Variants in SPMIP2 observed in about 807,000 individuals in gnomAD.
SPMIP2 encodes protein SPMIP2.
chr4:158,947,026 C>T, the SPMIP2 span, among the ~76,000 whole-genome samples: 1 of 152,124 alleles, frequency 6.6e-6, no homozygotes, highest in East Asian at 1.9e-4. Context: ...ACCCTACTCC[C>T]CCACTGCTCA....
the SPMIP2 span, among the ~76,000 whole-genome samples, chr4:159,069,533 C>T: frequency 6.6e-6 from 1 of 151,026 alleles, no homozygotes; most frequent in Admixed American, 6.6e-5. Context: ...TCCCCAGGCT[C>T]AAGAAATCCT....
chr4:158,921,988 T>A, the SPMIP2 span, among the ~76,000 whole-genome samples: 1 of 150,810 alleles, frequency 6.6e-6, no homozygotes, highest in Non-Finnish European at 1.5e-5. Flanking sequence ...CCTGGGTTCA[T>A]GCCAGTCTCC....
At chr4:158,941,146 T>C in the SPMIP2 span, among the ~76,000 whole-genome samples, 1 of 152,174 alleles carries the variant, frequency 6.6e-6, no homozygotes, top group Non-Finnish European at 1.5e-5. Flanking sequence ...CACGTACAGA[T>C]AGACAAATAG....
At chr4:159,019,806 T>C in the SPMIP2 span, among the ~76,000 whole-genome samples, 1 of 151,984 alleles carries the variant, frequency 6.6e-6, no homozygotes, top group South Asian at 2.1e-4. Context: ...AAATGTACAA[T>C]GAGAGGGATG....
the SPMIP2 span, among the ~76,000 whole-genome samples, chr4:159,020,560 G>A: frequency 6.6e-6 from 1 of 152,182 alleles, no homozygotes; most frequent in Non-Finnish European, 1.5e-5. Flanking sequence ...CCGGTTAGAG[G>A]TAAGGGAGTC....
chr4:158,912,868 G>A, the SPMIP2 span, among the ~76,000 whole-genome samples: 1 of 152,184 alleles, frequency 6.6e-6, no homozygotes, highest in East Asian at 1.9e-4. Context: ...AATGGAAGGG[G>A]TATGACCAAG....
the SPMIP2 span, among the ~76,000 whole-genome samples, chr4:158,983,005 G>C: frequency 6.6e-6 from 1 of 152,188 alleles, no homozygotes; most frequent in African/African-American, 2.4e-5. Flanking sequence ...CGAGAACTAT[G>C]TGAAGAATGC....
At chr4:159,063,683 G>A in the SPMIP2 span, among the ~76,000 whole-genome samples, 1 of 152,000 alleles carries the variant, frequency 6.6e-6, no homozygotes, top group South Asian at 2.1e-4. Flanking sequence ...GTACTTACAA[G>A]GATAATATCA....
the SPMIP2 span, among the ~76,000 whole-genome samples, chr4:158,969,695 C>A: frequency 6.6e-6 from 1 of 152,168 alleles, no homozygotes; most frequent in South Asian, 2.1e-4. Flanking sequence ...AGGTAGGAGG[C>A]AGCTGCTCCA....
At chr4:158,948,587 GTTTGT>G in the SPMIP2 span, among the ~76,000 whole-genome samples, 126 of 140,260 alleles carry the variant, frequency 9.0e-4, no homozygotes, top group African/African-American at 3.4e-3. Context: ...CCTGTATGTG[GTTTGT>G]TTTTTTTTTT....
chr4:159,071,890 G>T, the SPMIP2 span, among the ~76,000 whole-genome samples: 3 of 152,320 alleles, frequency 2.0e-5, no homozygotes, highest in East Asian at 5.8e-4. Flanking sequence ...CTTTGGTTCA[G>T]CTGCCTGGGG....
chr4:159,066,987 G>A, the SPMIP2 span, among the ~76,000 whole-genome samples: 6 of 152,160 alleles, frequency 3.9e-5, no homozygotes, highest in East Asian at 1.2e-3. Flanking sequence ...TATCTGCATG[G>A]GCCAGGAACC....
At chr4:158,979,814 T>TC in the SPMIP2 span, among the ~76,000 whole-genome samples, 24 of 140,022 alleles carry the variant, frequency 1.7e-4, no homozygotes, top group East Asian at 2.1e-3. Flanking sequence ...TTTTTTTTTT[T>TC]CATACCCCAG....
chr4:158,953,137 G>GA, the SPMIP2 span, among the ~76,000 whole-genome samples: 1 of 152,178 alleles, frequency 6.6e-6, no homozygotes, highest in Non-Finnish European at 1.5e-5. Flanking sequence ...AAACAACAGG[G>GA]AAAATGTCTC....
chr4:158,973,019 C>T, the SPMIP2 span: 5 of 1,109,322 alleles, frequency 4.5e-6, no homozygotes, highest in Middle Eastern at 2.0e-4. Flanking sequence ...GAAGCAAATT[C>T]ATAAAGAATT....
chr4:159,035,292 G>C, the SPMIP2 span: 1 of 540,006 alleles, frequency 1.9e-6, no homozygotes, highest in Non-Finnish European at 3.3e-6. Flanking sequence ...CAATCTCCAA[G>C]AGCAGAGACA....
At chr4:158,989,958 G>C in the SPMIP2 span, among the ~76,000 whole-genome samples, 1 of 152,204 alleles carries the variant, frequency 6.6e-6, no homozygotes, top group East Asian at 1.9e-4. Flanking sequence ...CTACAGAATG[G>C]GAGAAAATTT....
the SPMIP2 span, among the ~76,000 whole-genome samples, chr4:159,005,058 C>A: frequency 5.3e-5 from 8 of 151,932 alleles, no homozygotes; most frequent in Non-Finnish European, 1.2e-4. Flanking sequence ...TGGTGAAACC[C>A]CATCTCTACT....
At chr4:159,037,888 C>T in the SPMIP2 span, among the ~76,000 whole-genome samples, 1 of 151,668 alleles carries the variant, frequency 6.6e-6, no homozygotes, top group Non-Finnish European at 1.5e-5. Context: ...TGGCAGCATA[C>T]TGAACATACT....
Sources: gnomAD v4.1 joint callset for allele counts (sites outside exome capture counted in the v4.1 genomes callset) on GRCh38, gnomAD v4.1.1 for gene constraint, MANE v1.5 for transcripts, NCBI Gene and HGNC (gene_info 2026-07-23, HGNC 2026-07-21) for gene names.